The following IPCEF1 variants were observed in gnomAD, a reference collection of about 807,000 sequenced individuals.
IPCEF1 encodes the protein interaction protein for cytohesin exchange factors 1.
In IPCEF1, 31 loss-of-function variants were observed where a neutral mutation model predicts 50.9. That is an observed-to-expected ratio of 0.61 (90% CI 0.46 to 0.82). The LOEUF is 0.82. Among genes scored for constraint, IPCEF1 ranks in the 40% least tolerant of loss-of-function variants. IPCEF1 has a pLI of 0.00. For synonymous variants in IPCEF1, 181 were observed against 192.0 expected, an observed-to-expected ratio of 0.94 and a Z score of 0.47; for missense variants, 458 against 514.0, an observed-to-expected ratio of 0.89 and a Z score of 1.05.
chr6:154,246,921 A>T, intron 4 of IPCEF1, 161 bp from the exon 5 acceptor site: 1 of 511,246 alleles, frequency 2.0e-6, no homozygotes, highest in Non-Finnish European at 2.9e-6. Flanking sequence ...TGCAAAACCT[A>T]TGCAAAACCA....
intron 9 of IPCEF1, among the ~76,000 whole-genome samples, chr6:154,205,139 C>A (rs1342037449): frequency 6.6e-6 from 1 of 152,216 alleles, no homozygotes; most frequent in Non-Finnish European, 1.5e-5. Context: ...TAGCCCATTG[C>A]CCTACTTCAT....
intron 3 of IPCEF1, among the ~76,000 whole-genome samples, chr6:154,265,655 T>A (rs1228206848): frequency 6.6e-6 from 1 of 152,128 alleles, no homozygotes; most frequent in East Asian, 1.9e-4. Context: ...ATAGCTAACA[T>A]CTTCTTAAAA....
chr6:154,312,045 A>G lies in IPCEF1; in HGVS notation c.-61-22289T>C, dbSNP rs532979697. ...ATAGCAGCACTATTCACAATAGCCA[A>G]GATATGCAATCAATCTTTGTCCATC... On this transcript the variant is annotated intron_variant, in intron 1 of 11. Transcript: ENST00000367220. Among the ~76,000 whole-genome samples the G allele has an allele frequency of 2.2e-4, 33 of 152,370 alleles. No individual in the cohort carries two copies. In the South Asian group the frequency reaches 6.6e-3, roughly 31 times the overall value.
intron 1 of IPCEF1, among the ~76,000 whole-genome samples, chr6:154,307,503 A>G (rs998495725): frequency 1.3e-5 from 2 of 152,156 alleles, no homozygotes; most frequent in Non-Finnish European, 2.9e-5. Flanking sequence ...GGACTAATAC[A>G]CAGTCACATT....
At chr6:154,278,031 C>T (rs1431523930) in intron 2 of IPCEF1, among the ~76,000 whole-genome samples, 1 of 152,098 alleles carries the variant, frequency 6.6e-6, no homozygotes, top group Non-Finnish European at 1.5e-5. Context: ...GCCCTAGATA[C>T]CTTCATTTAA....
intron 3 of IPCEF1, among the ~76,000 whole-genome samples, chr6:154,248,342 G>C (rs550851313): frequency 3.6e-4 from 44 of 122,078 alleles, no homozygotes; most frequent in African/African-American, 1.2e-3. Flanking sequence ...TGTGTGTAGA[G>C]AGAGAGAAAA....
At chr6:154,312,991 C>T (rs1331227270) in intron 1 of IPCEF1, among the ~76,000 whole-genome samples, 1 of 145,932 alleles carries the variant, frequency 6.9e-6, no homozygotes, top group Non-Finnish European at 1.5e-5. Context: ...GTGGGAAGAT[C>T]ACTTGAGCCC....
chr6:154,161,515 C>T (rs1162896942), intron 11 of IPCEF1, among the ~76,000 whole-genome samples: 2 of 152,050 alleles, frequency 1.3e-5, no homozygotes, highest in Non-Finnish European at 2.9e-5. Context: ...ACCTGGCCTA[C>T]CCAATTTTTC....
intron 3 of IPCEF1, among the ~76,000 whole-genome samples, chr6:154,259,112 G>A (rs1215473743): frequency 6.6e-6 from 1 of 152,088 alleles, no homozygotes; most frequent in African/African-American, 2.4e-5. Flanking sequence ...CAACACAAAA[G>A]TTTCACCAAT....
At chr6:154,309,921 G>A (rs973632781) in intron 1 of IPCEF1, among the ~76,000 whole-genome samples, 4 of 151,922 alleles carry the variant, frequency 2.6e-5, no homozygotes, top group South Asian at 2.1e-4. Context: ...ATGCCACCAC[G>A]CCTGGCTAAT....
At chr6:154,355,099 G>A (rs1784193468) in intron 1 of IPCEF1, among the ~76,000 whole-genome samples, 1 of 151,650 alleles carries the variant, frequency 6.6e-6, no homozygotes, top group South Asian at 2.1e-4. Context: ...GCAATTATCA[G>A]CTCACACTGC....
intron 10 of IPCEF1, among the ~76,000 whole-genome samples, chr6:154,180,414 A>ATATATATATTT (rs1241250621): frequency 2.0e-4 from 13 of 65,268 alleles, no homozygotes; most frequent in African/African-American, 5.8e-4. Context: ...ATATATATAT[A>ATATATATATTT]TTTTTTTTTT....
At chr6:154,279,761 T>C (rs1452973473) in intron 2 of IPCEF1, among the ~76,000 whole-genome samples, 2 of 152,190 alleles carry the variant, frequency 1.3e-5, no homozygotes, top group African/African-American at 4.8e-5. Flanking sequence ...GTGCCATACA[T>C]ATAACATGCA....
chr6:154,277,079 A>G (rs1342859258), intron 2 of IPCEF1, among the ~76,000 whole-genome samples: 1 of 152,138 alleles, frequency 6.6e-6, no homozygotes, highest in Non-Finnish European at 1.5e-5. Context: ...CTTGTTTGGG[A>G]ATTGCGCATC....
At chr6:154,248,672 C>A (rs991806182) in intron 3 of IPCEF1, among the ~76,000 whole-genome samples, 1 of 152,110 alleles carries the variant, frequency 6.6e-6, no homozygotes, top group Non-Finnish European at 1.5e-5. Flanking sequence ...AGGCCTGGAA[C>A]CAATTCCTGG....
At chr6:154,229,799 A>G (rs1383040079) in intron 5 of IPCEF1, among the ~76,000 whole-genome samples, 1 of 152,242 alleles carries the variant, frequency 6.6e-6, no homozygotes, top group African/African-American at 2.4e-5. Flanking sequence ...TATTCATAGT[A>G]ACCTAGAACT....
intron 10 of IPCEF1, among the ~76,000 whole-genome samples, chr6:154,192,764 G>C (rs187227498): frequency 6.6e-6 from 1 of 152,108 alleles, no homozygotes; most frequent in Non-Finnish European, 1.5e-5. Context: ...ACGAAGAAAT[G>C]TTCAATTAGT....
chr6:154,267,294 T>C (rs1012332237), intron 2 of IPCEF1, among the ~76,000 whole-genome samples: 1 of 150,954 alleles, frequency 6.6e-6, no homozygotes, highest in African/African-American at 2.4e-5. Flanking sequence ...TAAAGGAAAA[T>C]TGAAAAAATA....
Position 154,246,823 on chromosome 6 carries a change from C to T in IPCEF1, c.77-63G>A, listed in dbSNP as rs1292131899. The T allele has an allele frequency of 6.6e-7, 1 of 1,524,144 alleles. No homozygotes were observed. 94.4% of individuals were successfully genotyped at this position (1,524,144 alleles called of 1,614,324 possible). A position where few individuals can be genotyped will look rare whatever the true frequency, so the allele number is the denominator to read the frequency against. ...CCTGATTTGGTAGGTAAAGTATTAT[C>T]CTGATTTATGTGACAGAGTGAAAGG... On this transcript the variant is annotated intron_variant, in intron 4 of 11. Coordinates refer to ENST00000367220, the MANE Select transcript of IPCEF1 (RefSeq NM_001130700.2).
Sources: gnomAD v4.1 joint callset for allele counts (sites outside exome capture counted in the v4.1 genomes callset) on GRCh38, gnomAD v4.1.1 for gene constraint, MANE v1.5 for transcripts, NCBI Gene and HGNC (gene_info 2026-07-23, HGNC 2026-07-21) for gene names.